The following PTPRD variants were observed in gnomAD, a reference collection of about 807,000 sequenced individuals.
PTPRD encodes the protein receptor-type tyrosine-protein phosphatase delta.
In PTPRD, 34 loss-of-function variants were observed where a neutral mutation model predicts 214.5. That is an observed-to-expected ratio of 0.16 (90% confidence interval 0.12 to 0.21). The LOEUF (loss-of-function observed/expected upper bound fraction) is 0.21. Among genes scored for constraint, PTPRD ranks in the 10% least tolerant of loss-of-function variants. The probability of loss-of-function intolerance (pLI) is 1.00; values close to 1 mark genes in which losing one functional copy is unlikely to be tolerated. For missense variants in PTPRD, 2,545 were observed against 2,398.7 expected (o/e 1.06, Z -1.27); for synonymous variants, 1,128 against 845.7 (o/e 1.33, Z -5.79).
At chr9:8,585,090 C>A (rs2093529176) in intron 14 of PTPRD, among the ~76,000 whole-genome samples, 1 of 152,070 alleles carries the variant, frequency 6.6e-6, no homozygotes, top group African/African-American at 2.4e-5. Flanking sequence ...ACAGCCAAAC[C>A]ACTGTTAAAG....
intron 7 of PTPRD, among the ~76,000 whole-genome samples, chr9:9,593,336 G>T: frequency 6.6e-6 from 1 of 151,332 alleles, no homozygotes; most frequent in East Asian, 2.0e-4. Flanking sequence ...ATTGCAGAAG[G>T]AGTAAGAAAT....
intron 2 of PTPRD, among the ~76,000 whole-genome samples, chr9:10,584,938 C>T (rs2073412685): frequency 6.6e-6 from 1 of 152,146 alleles, no homozygotes; most frequent in African/African-American, 2.4e-5. Context: ...CCAAACTACT[C>T]TCAGGCCAAA....
chr9:9,313,467 T>G (rs1960414741), intron 9 of PTPRD, among the ~76,000 whole-genome samples: 1 of 152,110 alleles, frequency 6.6e-6, no homozygotes, highest in Non-Finnish European at 1.5e-5. Flanking sequence ...AAACTTGACC[T>G]CAGAGTTCAC....
chr9:8,688,386 G>A (rs2097730462), intron 12 of PTPRD, among the ~76,000 whole-genome samples: 1 of 151,986 alleles, frequency 6.6e-6, no homozygotes, highest in Non-Finnish European at 1.5e-5. Context: ...CTAACATGGT[G>A]AAACCCCGTC....
At chr9:10,346,047 CA>C (rs2097074699) in intron 2 of PTPRD, among the ~76,000 whole-genome samples, 1 of 152,020 alleles carries the variant, frequency 6.6e-6, no homozygotes, top group African/African-American at 2.4e-5. Flanking sequence ...TATATGACAA[CA>C]CAGAAAATAT....
At chr9:9,113,215 T>C (rs866650973) in intron 10 of PTPRD, among the ~76,000 whole-genome samples, 1 of 152,062 alleles carries the variant, frequency 6.6e-6, no homozygotes, top group Non-Finnish European at 1.5e-5. Flanking sequence ...GCTGAAGTTA[T>C]CCTTCTGCTT....
At chr9:8,909,832 C>T (rs1587853215) in intron 11 of PTPRD, among the ~76,000 whole-genome samples, 1 of 110,478 alleles carries the variant, frequency 9.1e-6, no homozygotes, top group African/African-American at 3.5e-5. Flanking sequence ...GGGATGGGAA[C>T]AGGAAAGGGA....
chr9:10,107,825 G>A (rs1388998527), intron 3 of PTPRD, among the ~76,000 whole-genome samples: 1 of 151,976 alleles, frequency 6.6e-6, no homozygotes, highest in African/African-American at 2.4e-5. Flanking sequence ...GTCCTTCCTG[G>A]ATTATTCCCT....
intron 3 of PTPRD, among the ~76,000 whole-genome samples, chr9:10,162,796 A>G (rs947273470): frequency 2.0e-5 from 3 of 148,834 alleles, no homozygotes; most frequent in African/African-American, 7.3e-5. Flanking sequence ...TCACCCCTCA[A>G]TATTGTATAG....
chr9:9,156,225 A>G (rs2099881057), intron 10 of PTPRD, among the ~76,000 whole-genome samples: 1 of 152,150 alleles, frequency 6.6e-6, no homozygotes, highest in Non-Finnish European at 1.5e-5. Context: ...AACTACCATG[A>G]ATATATTTTC....
At chr9:10,293,980 A>T (rs1254963595) in intron 3 of PTPRD, among the ~76,000 whole-genome samples, 1 of 151,970 alleles carries the variant, frequency 6.6e-6, no homozygotes, top group African/African-American at 2.4e-5. Context: ...AATGTGTGAC[A>T]GATTTTCACT....
chr9:8,455,687 G>C (rs952107192), intron 33 of PTPRD, among the ~76,000 whole-genome samples: 3 of 152,130 alleles, frequency 2.0e-5, no homozygotes, highest in Admixed American at 6.5e-5. Context: ...AAACACATTG[G>C]TTAATTCTTC....
chr9:9,238,105 G>A (rs1487022161), intron 9 of PTPRD, among the ~76,000 whole-genome samples: 4 of 152,086 alleles, frequency 2.6e-5, no homozygotes, highest in African/African-American at 9.7e-5. Context: ...ACCTGAAGGA[G>A]ACATCCTGTG....
chr9:10,587,189 G>A (rs1032458014), intron 2 of PTPRD, among the ~76,000 whole-genome samples: 2 of 152,032 alleles, frequency 1.3e-5, no homozygotes, highest in Admixed American at 6.6e-5. Context: ...GACAGCAAAG[G>A]TCCTTACATT....
chr9:8,892,763 A>C (rs2098553105), intron 11 of PTPRD, among the ~76,000 whole-genome samples: 1 of 151,212 alleles, frequency 6.6e-6, no homozygotes. Flanking sequence ...AGTTCTACGG[A>C]AGCTCAGAAG....
At chr9:10,452,662 T>C (rs1388780188) in intron 2 of PTPRD, among the ~76,000 whole-genome samples, 1 of 151,886 alleles carries the variant, frequency 6.6e-6, no homozygotes, top group African/African-American at 2.4e-5. Flanking sequence ...ATCAGATTAT[T>C]CATTTGTTTC....
intron 9 of PTPRD, among the ~76,000 whole-genome samples, chr9:9,215,596 C>T (rs2099951637): frequency 6.6e-6 from 1 of 152,034 alleles, no homozygotes; most frequent in South Asian, 2.1e-4. Flanking sequence ...GAACTGGGCA[C>T]CAGATTGTGG....
Position 8,333,557 on chromosome 9 carries a change from C to A in PTPRD, c.5380-1821G>T, listed in dbSNP as rs180991150. On this transcript the variant is annotated intron_variant, in intron 43 of 45. Transcript: ENST00000381196. ...CTTACAAGAGCTCCTGAAGGAAGCA[C>A]TAAACATGGAAAGGAACAACTGGTA... Among the ~76,000 whole-genome samples, 1,075 of 152,170 alleles carry A rather than the reference C, an allele frequency of 7.1e-3. 46 individuals carry two copies. Among genetic ancestry groups the A allele is most frequent in the Admixed American group, 0.06 (918 of 15,260 alleles).
intron 11 of PTPRD, among the ~76,000 whole-genome samples, chr9:8,943,870 C>A (rs2099048301): frequency 1.3e-5 from 2 of 151,676 alleles, no homozygotes; most frequent in Admixed American, 6.6e-5. Context: ...ACTCCAAAAG[C>A]ACAAGCAACC....
Sources: allele counts gnomAD v4.1 joint callset (sites outside exome capture counted in the v4.1 genomes callset), GRCh38; gene constraint gnomAD v4.1.1; transcripts MANE v1.5; gene names NCBI Gene and HGNC (gene_info 2026-07-23, HGNC 2026-07-21).